LRTM1: variants seen among roughly 807,000 people sequenced by gnomAD.
LRTM1 encodes the protein leucine rich repeat transmembrane protein 1, also known as leucine-rich repeat and transmembrane domain-containing protein 1.
A neutral mutation model predicts 32.4 loss-of-function variants in LRTM1; 38 were observed. That is an observed-to-expected ratio of 1.17 (90% CI 0.91 to 1.54). LRTM1 has a LOEUF of 1.54. Among genes scored for constraint, LRTM1 ranks in the 40% most tolerant of loss-of-function variants. LRTM1 has a pLI of 0.00. For missense variants in LRTM1, 466 were observed against 415.4 expected, an observed-to-expected ratio of 1.12 and a Z score of -1.06; for synonymous variants, 186 against 169.9, an observed-to-expected ratio of 1.09 and a Z score of -0.74.
At chr3:54,947,231 C>G (rs1208431749) in intron 1 of LRTM1, among the ~76,000 whole-genome samples, 1 of 152,154 alleles carries the variant, frequency 6.6e-6, no homozygotes, top group South Asian at 2.1e-4. Flanking sequence ...AGTGGGATCA[C>G]TGGATTCTAA....
At chr3:54,939,165 A>T (rs1333215427) in intron 1 of LRTM1, among the ~76,000 whole-genome samples, 1 of 152,210 alleles carries the variant, frequency 6.6e-6, no homozygotes, top group Non-Finnish European at 1.5e-5. Context: ...CCAACATCTG[A>T]AACTCTTACA....
chr3:54,923,634 C>T (rs1177239422), intron 2 of LRTM1, among the ~76,000 whole-genome samples: 1 of 152,208 alleles, frequency 6.6e-6, no homozygotes, highest in Non-Finnish European at 1.5e-5. Context: ...CTTCTCAGTG[C>T]CTGGCATACA....
At chr3:54,962,903 A>C (rs1702065735) in intron 1 of LRTM1, among the ~76,000 whole-genome samples, 1 of 152,162 alleles carries the variant, frequency 6.6e-6, no homozygotes, top group Non-Finnish European at 1.5e-5. Flanking sequence ...CCCCACAGGA[A>C]ATTATTTCTA....
intron 1 of LRTM1, among the ~76,000 whole-genome samples, chr3:54,960,987 C>T (rs1342829890): frequency 6.6e-6 from 1 of 152,166 alleles, no homozygotes; most frequent in African/African-American, 2.4e-5. Flanking sequence ...TTTTCCAAAC[C>T]CTGGGTTAAT....
rs1042360168 is a variant in LRTM1 at position 54,918,340 on chromosome 3, T to C, written c.*119A>G. The C allele has an allele frequency of 8.7e-4, 308 of 353,760 alleles. 1 individual carries two copies. Among genetic ancestry groups the C allele is most frequent in the East Asian group, 7.3e-3 (117 of 15,924 alleles). 21.9% of individuals were successfully genotyped at this position (353,760 alleles called of 1,614,324 possible). A position where few individuals can be genotyped will look rare whatever the true frequency, so the allele number is the denominator to read the frequency against. The stretch of plus-strand genomic sequence containing the variant: ...ACACATCTTTTTTTTTTCTTTTTTT[T>C]TTTTTTTTTTTTTTTGTCTTTTGGC... On this transcript the variant is annotated 3_prime_UTR_variant, in exon 3 of 3. Coordinates refer to ENST00000273286, the MANE Select transcript of LRTM1 (RefSeq NM_020678.4).
At chr3:54,937,110 C>T (rs1701347334) in intron 1 of LRTM1, among the ~76,000 whole-genome samples, 1 of 152,168 alleles carries the variant, frequency 6.6e-6, no homozygotes, top group Admixed American at 6.5e-5. Flanking sequence ...GTGCTTTCCA[C>T]TTCTGAAGGT....
At chr3:54,927,810 G>A (rs1219090803) in intron 1 of LRTM1, 95 bp downstream of exon 1, 7 of 1,325,808 alleles carry the variant, frequency 5.3e-6, no homozygotes, top group East Asian at 2.3e-5. Flanking sequence ...TAAGACAGAC[G>A]ACTTGAAAAT....
At chr3:54,919,962 G>T (rs1022971087) in intron 2 of LRTM1, among the ~76,000 whole-genome samples, 1 of 152,112 alleles carries the variant, frequency 6.6e-6, no homozygotes, top group Non-Finnish European at 1.5e-5. Flanking sequence ...GAGTGGGCAG[G>T]ATGGCCCTCG....
chr3:54,941,304 A>G (rs1701460515), intron 1 of LRTM1, among the ~76,000 whole-genome samples: 1 of 152,246 alleles, frequency 6.6e-6, no homozygotes, highest in East Asian at 1.9e-4. Flanking sequence ...GATCATAATC[A>G]GCCCCATAAT....
intron 1 of LRTM1, among the ~76,000 whole-genome samples, chr3:54,963,857 A>C (rs142633125): frequency 2.6e-5 from 4 of 152,248 alleles, no homozygotes; most frequent in African/African-American, 7.2e-5. Flanking sequence ...GGAGGAAGGG[A>C]GGGTAAAAGT....
upstream of LRTM1, among the ~76,000 whole-genome samples, chr3:54,928,288 C>T (rs191621471): frequency 6.6e-6 from 1 of 152,256 alleles, no homozygotes; most frequent in East Asian, 1.9e-4. Context: ...CCCAGTGCCT[C>T]GGCCTTTTTG....
Position 54,918,332 on chromosome 3 carries a change from C to CTTTTTTTTCTTTT in LRTM1, c.*126_*127insAAAAGAAAAAAAA, listed in dbSNP as rs1700718361. 9.0e-6 allele frequency: 2 copies of CTTTTTTTTCTTTT among 222,324 alleles called. No individual in the cohort carries two copies. The highest frequency in any genetic ancestry group is 3.7e-5 in the African/African-American group (1 of 27,326). The allele number at this position is 222,324 out of a possible 1,614,324, so 13.8% of individuals were successfully genotyped here. On this transcript the variant is annotated 3_prime_UTR_variant, in exon 3 of 3. Coordinates refer to ENST00000273286, the MANE Select transcript of LRTM1 (RefSeq NM_020678.4). ...TTTTACAGACACATCTTTTTTTTTTCTTTTTTTTTTTTTTTTTTTTTTTGT... is the reference window on the plus strand; with the variant it reads ...TTTTACAGACACATCTTTTTTTTTTCTTTTTTTTCTTTTTTTTTTTTTTTTTTTTTTTTTTTGT...
intron 1 of LRTM1, among the ~76,000 whole-genome samples, chr3:54,956,486 C>A (rs552840975): frequency 9.2e-5 from 14 of 152,158 alleles, no homozygotes; most frequent in Non-Finnish European, 2.1e-4. Context: ...CTTGCATGGG[C>A]CACATGGTCT....
intron 1 of LRTM1, among the ~76,000 whole-genome samples, chr3:54,941,308 C>T (rs1701460619): frequency 1.3e-5 from 2 of 152,078 alleles, no homozygotes; most frequent in African/African-American, 4.8e-5. Context: ...ATAATCAGCC[C>T]CATAATCTAA....
chr3:54,934,332 G>A (rs934812553), intron 1 of LRTM1, among the ~76,000 whole-genome samples: 5 of 152,164 alleles, frequency 3.3e-5, no homozygotes, highest in Non-Finnish European at 7.4e-5. Flanking sequence ...TCCCTCTTGA[G>A]CCGTTCAGTG....
chr3:54,922,088 G>A (rs1306621469), intron 2 of LRTM1, among the ~76,000 whole-genome samples: 1 of 152,130 alleles, frequency 6.6e-6, no homozygotes, highest in East Asian at 1.9e-4. Flanking sequence ...AAGAAAAGCT[G>A]TGATCTGTAC....
At chr3:54,925,293 A>G in intron 1 of LRTM1, 78 bp from the exon 2 acceptor site, 1 of 1,208,398 alleles carries the variant, frequency 8.3e-7, no homozygotes, top group Non-Finnish European at 1.2e-6. Flanking sequence ...CTTTGAATTT[A>G]CAGGTAATGT....
intron 1 of LRTM1, among the ~76,000 whole-genome samples, chr3:54,940,125 G>T (rs1701430483): frequency 6.6e-6 from 1 of 152,098 alleles, no homozygotes; most frequent in Non-Finnish European, 1.5e-5. Flanking sequence ...TCACCACATT[G>T]GTGTCTAGTC....
intron 1 of LRTM1, among the ~76,000 whole-genome samples, chr3:54,964,133 G>A (rs188438829): frequency 8.5e-5 from 13 of 152,098 alleles, no homozygotes; most frequent in South Asian, 2.1e-4. Flanking sequence ...TCTTGGGGTC[G>A]CTGTCCTAGG....
Sources: gnomAD v4.1 joint callset for allele counts (sites outside exome capture counted in the v4.1 genomes callset) on GRCh38, gnomAD v4.1.1 for gene constraint, MANE v1.5 for transcripts, NCBI Gene and HGNC (gene_info 2026-07-23, HGNC 2026-07-21) for gene names.